GRAMD2A: variants seen among roughly 807,000 people sequenced by gnomAD.
GRAMD2A encodes GRAM domain-containing protein 2A.
In GRAMD2A, 37 loss-of-function variants were observed where a neutral mutation model predicts 51.1. The ratio of observed to expected loss-of-function variants is 0.72; its 90% CI spans 0.56 to 0.95. The LOEUF (loss-of-function observed/expected upper bound fraction) is 0.95, where lower values mean the gene tolerates loss of function less well. Among genes scored for constraint, GRAMD2A ranks in the 40% least tolerant of loss-of-function variants. The pLI is 0.00. For synonymous variants in GRAMD2A, 136 were observed against 157.1 expected, an observed-to-expected ratio of 0.87 and a Z score of 1.01; for missense variants, 414 against 426.9, an observed-to-expected ratio of 0.97 and a Z score of 0.27.
intron 1 of GRAMD2A, among the ~76,000 whole-genome samples, chr15:72,174,779 G>C (rs556145122): frequency 6.6e-6 from 1 of 152,198 alleles, no homozygotes; most frequent in Non-Finnish European, 1.5e-5. Context: ...CCAGAGGGCA[G>C]GGATGGCACC....
chr15:72,163,648 T>A lies in GRAMD2A; in HGVS notation c.710A>T (p.Asp237Val). ...CIPPSSVDST[D>V]SFFPSRKPPM... ...AGGCTTCCTGGAGGGGAAGAAACTG[T>A]CTGTGGAGTCCACGGATGATGGAGG... The change falls in exon 9 of 12, where the codon GAC becomes GTC. Residue 237 changes from aspartate (D) to valine (V), a missense_variant. By Grantham distance (152) the Asp-to-Val change is radical (BLOSUM62 -3). Transcript: ENST00000309731. 1 of 1,599,130 alleles carries A rather than the reference T, an allele frequency of 6.3e-7. No individual in the cohort carries two copies. Among genetic ancestry groups the A allele is most frequent in the East Asian group, 2.2e-5 (1 of 44,844 alleles).
chr15:72,186,011 T>C (rs2081732087), intron 1 of GRAMD2A, among the ~76,000 whole-genome samples: 2 of 152,226 alleles, frequency 1.3e-5, no homozygotes. Context: ...GATTTAAAAC[T>C]TCTGTATATC....
Position 72,165,338 on chromosome 15 carries a change from C to T in GRAMD2A, c.600+16G>A, listed in dbSNP as rs374161102. On this transcript the variant is annotated intron_variant, in intron 8 of 11. Transcript: ENST00000309731. ...CTGTCAGTCCAGCAGTCTTTGCTCC[C>T]AGCTTCAGCTCTCACCAGAGACTCA... 8 of 1,613,154 alleles carry T rather than the reference C, an allele frequency of 5.0e-6. No homozygotes were observed. The highest frequency in any genetic ancestry group is 6.8e-6 in the Non-Finnish European group (8 of 1,179,296).
chr15:72,191,119 C>T (rs1222848833), intron 1 of GRAMD2A, among the ~76,000 whole-genome samples: 1 of 152,156 alleles, frequency 6.6e-6, no homozygotes, highest in Non-Finnish European at 1.5e-5. Context: ...ATTTTGAAAA[C>T]TAAGAAATAA....
chr15:72,166,955 C>G lies in GRAMD2A; in HGVS notation c.471+39G>C. 6.7e-7 allele frequency: 1 copy of G among 1,502,458 alleles called. No homozygotes were observed. Among genetic ancestry groups the G allele is most frequent in the Non-Finnish European group, 9.3e-7 (1 of 1,078,582 alleles). The allele number at this position is 1,502,458 out of a possible 1,614,324, so 93.1% of individuals were successfully genotyped here. On this transcript the variant is annotated intron_variant, in intron 6 of 11. Transcript: ENST00000309731. This position sits in a 1 kb window ranked among gnomAD's most constrained non-coding sequence, Gnocchi z 4.1. ...GACTGTGGGCTGTCAGGGCTGGGAG[C>G]GGGAGACTGACAAGGGAGCATGGGC...
chr15:72,186,481 C>T (rs186416294), intron 1 of GRAMD2A, among the ~76,000 whole-genome samples: 12 of 152,106 alleles, frequency 7.9e-5, no homozygotes, highest in African/African-American at 1.4e-4. Context: ...CATGCCACCA[C>T]GCCCGGATAA....
intron 1 of GRAMD2A, among the ~76,000 whole-genome samples, chr15:72,184,320 C>T (rs1481234175): frequency 1.3e-5 from 2 of 152,272 alleles, no homozygotes; most frequent in Non-Finnish European, 2.9e-5. Flanking sequence ...CACAGCCACA[C>T]TCAGTGGCTC....
chr15:72,180,858 A>G (rs1417578513), intron 1 of GRAMD2A, among the ~76,000 whole-genome samples: 1 of 152,208 alleles, frequency 6.6e-6, no homozygotes, highest in African/African-American at 2.4e-5. Context: ...TGTCTGAGGG[A>G]AAAAAGCAGA....
At chr15:72,179,353 G>C (rs990074873) in intron 1 of GRAMD2A, among the ~76,000 whole-genome samples, 2 of 152,224 alleles carry the variant, frequency 1.3e-5, no homozygotes, top group African/African-American at 4.8e-5. Flanking sequence ...CCTTCCTAAG[G>C]AATCCTAACT....
At chr15:72,178,249 C>A (rs1257162602) in intron 1 of GRAMD2A, among the ~76,000 whole-genome samples, 1 of 152,196 alleles carries the variant, frequency 6.6e-6, no homozygotes, top group South Asian at 2.1e-4. Context: ...ACCCCACTGT[C>A]AATAAGCTTT....
intron 1 of GRAMD2A, among the ~76,000 whole-genome samples, chr15:72,178,843 G>A (rs147978175): frequency 0.013 from 1,919 of 152,030 alleles, 26 homozygotes; most frequent in African/African-American, 0.02. Flanking sequence ...CAAAGTGCTG[G>A]GATTACAGTT....
At chr15:72,179,464 C>T (rs1354561098) in intron 1 of GRAMD2A, among the ~76,000 whole-genome samples, 1 of 152,152 alleles carries the variant, frequency 6.6e-6, no homozygotes, top group Non-Finnish European at 1.5e-5. Flanking sequence ...CCTCTGGGTG[C>T]CCCCGGAGAC....
chr15:72,174,761 A>T (rs1279119220), intron 1 of GRAMD2A, among the ~76,000 whole-genome samples: 1 of 152,166 alleles, frequency 6.6e-6, no homozygotes, highest in East Asian at 1.9e-4. Flanking sequence ...CCCCAGCCTG[A>T]GAAGCTGCCA....
At position 72,170,198 on chromosome 15, in the gene GRAMD2A, C is replaced by T. The variant is rs187765105; in HGVS notation, c.42-259G>A. On this transcript the variant is annotated intron_variant, in intron 1 of 11. Coordinates refer to ENST00000309731, the MANE Select transcript of GRAMD2A (RefSeq NM_001012642.3). The surrounding 1 kb of genome is among the most constrained non-coding windows in gnomAD (Gnocchi z 4.5). ...CTTATGCCTAGGCTGGGAGGAAAAT[C>T]AACCTGTCTACCTCATCTCCAGTGC... 5.0e-6 allele frequency: 3 copies of T among 604,020 alleles called. No individual in the cohort carries two copies. The East Asian group carries it at 1.1e-4, about 22-fold the overall frequency. 37.4% of individuals were successfully genotyped at this position (604,020 alleles called of 1,614,324 possible).
intron 1 of GRAMD2A, among the ~76,000 whole-genome samples, chr15:72,195,468 G>T (rs1354998623): frequency 6.6e-6 from 1 of 152,130 alleles, no homozygotes; most frequent in Admixed American, 6.5e-5. Context: ...CACTAACAGC[G>T]CAGCAGCTCA....
At chr15:72,186,703 G>A (rs961573359) in intron 1 of GRAMD2A, among the ~76,000 whole-genome samples, 3 of 152,052 alleles carry the variant, frequency 2.0e-5, no homozygotes, top group Admixed American at 6.6e-5. Context: ...ATGTATATTC[G>A]TATGATTAAC....
At position 72,161,738 on chromosome 15, in the gene GRAMD2A, C is replaced by T; in HGVS notation, c.*271G>A. ...TGTTTTCTCTAAGTGTTTGCTGAAG[C>T]TTTGTGTACAGAATTCCTCAGTTGG... On this transcript the variant is annotated 3_prime_UTR_variant, in exon 12 of 12. Transcript: ENST00000309731. 1 of 468,282 alleles carries T rather than the reference C, an allele frequency of 2.1e-6. No individual in the cohort carries two copies. Among genetic ancestry groups the T allele is most frequent in the Non-Finnish European group, 3.9e-6 (1 of 255,602 alleles). 29.0% of individuals were successfully genotyped at this position (468,282 alleles called of 1,614,324 possible).
chr15:72,181,432 C>T (rs1363765477), intron 1 of GRAMD2A, among the ~76,000 whole-genome samples: 1 of 152,164 alleles, frequency 6.6e-6, no homozygotes, highest in East Asian at 1.9e-4. Flanking sequence ...CTGGGTGATA[C>T]ATACGTGGGG....
At chr15:72,172,001 T>A (rs1295256608) in intron 1 of GRAMD2A, among the ~76,000 whole-genome samples, 1 of 151,922 alleles carries the variant, frequency 6.6e-6, no homozygotes, top group East Asian at 1.9e-4. Context: ...AATTTTTGTA[T>A]TTTTTAGTAG....
Sources: gnomAD v4.1 joint callset for allele counts (sites outside exome capture counted in the v4.1 genomes callset) on GRCh38, gnomAD v4.1.1 for gene constraint, Gnocchi (gnomAD v3.1) non-coding constraint, MANE v1.5 for transcripts, NCBI Gene and HGNC (gene_info 2026-07-23, HGNC 2026-07-21) for gene names.